Variants in SAMMSON observed in about 807,000 individuals in gnomAD.
SAMMSON encodes long intergenic non-protein coding RNA 1212.
intron 4 of SAMMSON, among the ~76,000 whole-genome samples, chr3:70,185,433 T>G (rs1052069428): frequency 6.6e-6 from 1 of 152,172 alleles, no homozygotes; most frequent in African/African-American, 2.4e-5. Flanking sequence ...ATGTCAGGTC[T>G]GGGGCCCAGA....
chr3:70,061,263 C>T (rs1000979596), intron 3 of SAMMSON, among the ~76,000 whole-genome samples: 16 of 151,982 alleles, frequency 1.1e-4, no homozygotes, highest in African/African-American at 1.7e-4. Flanking sequence ...GCCTAGCAGG[C>T]GAATGCAACT....
intron 7 of SAMMSON, among the ~76,000 whole-genome samples, chr3:70,352,818 T>C (rs1194073306): frequency 6.6e-6 from 1 of 152,098 alleles, no homozygotes; most frequent in Non-Finnish European, 1.5e-5. Context: ...AGAATGAGTT[T>C]ACCCAATTTC....
At chr3:70,210,677 G>A (rs913776749) in intron 4 of SAMMSON, among the ~76,000 whole-genome samples, 2 of 151,996 alleles carry the variant, frequency 1.3e-5, no homozygotes, top group African/African-American at 2.4e-5. Context: ...CTATATTTGG[G>A]ATGTTATTCA....
At chr3:70,166,420 C>A (rs894945805) in intron 4 of SAMMSON, among the ~76,000 whole-genome samples, 1 of 151,936 alleles carries the variant, frequency 6.6e-6, no homozygotes, top group Non-Finnish European at 1.5e-5. Context: ...TTTCTCATAT[C>A]CTATGTTAAA....
At chr3:70,102,231 A>G (rs1419043127) in intron 4 of SAMMSON, among the ~76,000 whole-genome samples, 2 of 152,120 alleles carry the variant, frequency 1.3e-5, no homozygotes, top group Non-Finnish European at 2.9e-5. Context: ...CCTCTTCTCT[A>G]TTCTTAGCAA....
intron 4 of SAMMSON, among the ~76,000 whole-genome samples, chr3:70,187,771 T>C (rs1701103074): frequency 6.6e-6 from 1 of 151,996 alleles, no homozygotes; most frequent in Admixed American, 6.6e-5. Flanking sequence ...CACCCATATG[T>C]AGTCCATCAG....
At chr3:70,189,797 G>A (rs1006259566) in intron 4 of SAMMSON, among the ~76,000 whole-genome samples, 1 of 75,714 alleles carries the variant, frequency 1.3e-5, no homozygotes, top group African/African-American at 3.7e-5. Context: ...TTGGGGGATT[G>A]GTCCTGCACC....
intron 4 of SAMMSON, among the ~76,000 whole-genome samples, chr3:70,091,900 T>C (rs927392178): frequency 2.0e-5 from 3 of 152,198 alleles, no homozygotes; most frequent in African/African-American, 7.2e-5. Flanking sequence ...TTGAACTCCA[T>C]GTGCCTACAT....
At chr3:70,321,520 C>A (rs1483727741) in intron 7 of SAMMSON, among the ~76,000 whole-genome samples, 2 of 151,910 alleles carry the variant, frequency 1.3e-5, no homozygotes, top group East Asian at 3.9e-4. Context: ...CAATTGCGAC[C>A]ATTACAAATG....
chr3:70,155,747 CTCTT>C (rs1472488597), intron 4 of SAMMSON, among the ~76,000 whole-genome samples: 3 of 152,014 alleles, frequency 2.0e-5, no homozygotes, highest in Non-Finnish European at 4.4e-5. Flanking sequence ...ATCAGTCTCT[CTCTT>C]TCTTTGTTCT....
At chr3:70,226,873 A>T (rs1701512603) in intron 4 of SAMMSON, among the ~76,000 whole-genome samples, 1 of 152,084 alleles carries the variant, frequency 6.6e-6, no homozygotes, top group African/African-American at 2.4e-5. Flanking sequence ...AAGAAGTGGG[A>T]TGGAAAAGGA....
intron 4 of SAMMSON, among the ~76,000 whole-genome samples, chr3:70,079,805 G>T (rs1385706501): frequency 6.6e-6 from 1 of 152,100 alleles, no homozygotes; most frequent in African/African-American, 2.4e-5. Flanking sequence ...TTTTCCAAAT[G>T]ATGTGACACA....
intron 4 of SAMMSON, among the ~76,000 whole-genome samples, chr3:70,220,110 A>T (rs777453341): frequency 3.3e-5 from 5 of 151,980 alleles, no homozygotes; most frequent in Non-Finnish European, 5.9e-5. Context: ...CTGGCCTCAA[A>T]TTTTTTTTGT....
intron 2 of SAMMSON, among the ~76,000 whole-genome samples, chr3:70,416,451 T>C (rs1701265496): frequency 6.6e-6 from 1 of 152,210 alleles, no homozygotes; most frequent in Non-Finnish European, 1.5e-5. Context: ...TCTTTTTTAC[T>C]GTAAATATGC....
At chr3:70,008,127 G>C (rs1204928541) in intron 1 of SAMMSON, among the ~76,000 whole-genome samples, 3 of 152,022 alleles carry the variant, frequency 2.0e-5, no homozygotes, top group Non-Finnish European at 2.9e-5. Flanking sequence ...TTGGCGATGT[G>C]GGCTCTTTTT....
At chr3:70,388,646 A>G (rs1701006673) in intron 9 of SAMMSON, among the ~76,000 whole-genome samples, 1 of 152,102 alleles carries the variant, frequency 6.6e-6, no homozygotes, top group African/African-American at 2.4e-5. Flanking sequence ...ATGGCTGTGG[A>G]ATTATGGGAA....
At chr3:70,315,962 G>A (rs1225032626) in intron 7 of SAMMSON, among the ~76,000 whole-genome samples, 1 of 152,170 alleles carries the variant, frequency 6.6e-6, no homozygotes, top group Admixed American at 6.6e-5. Context: ...AACCAGGGAT[G>A]TGGTCTCAAG....
chr3:70,223,536 G>T (rs771505138), intron 4 of SAMMSON, among the ~76,000 whole-genome samples: 1 of 152,036 alleles, frequency 6.6e-6, no homozygotes, highest in Non-Finnish European at 1.5e-5. Context: ...GCCTCAATTT[G>T]GAAAGGCTGA....
At chr3:70,135,548 T>G (rs13062309) in intron 4 of SAMMSON, among the ~76,000 whole-genome samples, 5,298 of 152,264 alleles carry the variant, frequency 0.035, 124 homozygotes, top group Middle Eastern at 0.065. Flanking sequence ...TTTGCATAAG[T>G]CTTTTTCTCA....
Sources: gnomAD v4.1 joint callset for allele counts (sites outside exome capture counted in the v4.1 genomes callset) on GRCh38, gnomAD v4.1.1 for gene constraint, MANE v1.5 for transcripts, NCBI Gene and HGNC (gene_info 2026-07-23, HGNC 2026-07-21) for gene names.